Variants in HTR2A observed in about 807,000 individuals in gnomAD.
HTR2A encodes 5-HT2 receptor.
Under a neutral mutation model 31.0 loss-of-function variants are expected in HTR2A, and 14 were observed. That is an observed-to-expected ratio of 0.45 (90% CI 0.30 to 0.71). HTR2A has a LOEUF of 0.71. Among genes scored for constraint, HTR2A ranks in the 30% least tolerant of loss-of-function variants. The pLI is 0.09. For missense variants in HTR2A, 442 were observed against 573.3 expected, an observed-to-expected ratio of 0.77 and a Z score of 2.34; for synonymous variants, 209 against 225.2, an observed-to-expected ratio of 0.93 and a Z score of 0.64.
At chr13:46,873,245 A>G (rs1950877816) in intron 3 of HTR2A, among the ~76,000 whole-genome samples, 1 of 139,844 alleles carries the variant, frequency 7.2e-6, no homozygotes, top group South Asian at 2.2e-4. Flanking sequence ...CACTGATTAC[A>G]TAGACACCAC....
At chr13:46,850,304 C>T (rs1443330332) in intron 3 of HTR2A, among the ~76,000 whole-genome samples, 2 of 152,212 alleles carry the variant, frequency 1.3e-5, no homozygotes, top group Admixed American at 6.5e-5. Flanking sequence ...GCTTACTGTG[C>T]TCCAGGCACT....
intron 3 of HTR2A, among the ~76,000 whole-genome samples, chr13:46,863,737 C>T (rs1309593575): frequency 6.6e-6 from 1 of 150,760 alleles, no homozygotes; most frequent in African/African-American, 2.4e-5. Context: ...CATCTCATGC[C>T]AGTCAGAATG....
chr13:46,841,846 T>C (rs1950599857), intron 3 of HTR2A, among the ~76,000 whole-genome samples: 1 of 152,162 alleles, frequency 6.6e-6, no homozygotes, highest in Non-Finnish European at 1.5e-5. Context: ...ACATCTCTCT[T>C]GTCTCAGAGA....
Position 46,895,964 on chromosome 13 carries a change from T to G in HTR2A, c.-58A>C. ...AGAAGGACTAACAGGTTATAGTTTC[T>G]GCTCACCATTCACCTTGATGTACCC... On this transcript the variant is annotated 5_prime_UTR_variant, in exon 2 of 4. Coordinates refer to ENST00000542664, the MANE Select transcript of HTR2A (RefSeq NM_000621.5). This position sits in a 1 kb window ranked among gnomAD's most constrained non-coding sequence, Gnocchi z 4.4. 1.3e-6 allele frequency: 2 copies of G among 1,542,772 alleles called. No homozygotes were observed. Among genetic ancestry groups the G allele is most frequent in the African/African-American group, 2.7e-5 (2 of 73,098 alleles).
rs535480145 is a variant in HTR2A at position 46,877,335 on chromosome 13, ATCAACAGC to A, written c.613+15047_613+15054del. Among the ~76,000 whole-genome samples the A allele has an allele frequency of 1.9e-3, 282 of 152,202 alleles. 1 individual carries two copies. The highest frequency in any genetic ancestry group is 6.8e-3 in the Middle Eastern group (2 of 294). ...TTGATTGGGGAGAAATTCAAAATAA[ATCAACAGC>A]TCAACAGCTCAACAGCTCTTTTTTT... On this transcript the variant is annotated intron_variant, in intron 3 of 3. Transcript: ENST00000542664.
intron 3 of HTR2A, among the ~76,000 whole-genome samples, chr13:46,869,733 G>A (rs2146672): frequency 1 from 151,838 of 152,274 alleles, 75,704 homozygotes; most frequent in Middle Eastern, 1. Context: ...TTCAGCCATA[G>A]AAAATGAAGT....
intron 3 of HTR2A, among the ~76,000 whole-genome samples, chr13:46,859,024 C>T (rs902044030): frequency 1.3e-5 from 2 of 152,216 alleles, no homozygotes; most frequent in African/African-American, 2.4e-5. Context: ...TTTGGCATCA[C>T]TTTGCCCTTT....
At chr13:46,879,341 A>G (rs1001743540) in intron 3 of HTR2A, among the ~76,000 whole-genome samples, 6 of 152,240 alleles carry the variant, frequency 3.9e-5, no homozygotes, top group Admixed American at 3.3e-4. Flanking sequence ...AATTGTTGAA[A>G]TAGAAATAGT....
intron 3 of HTR2A, among the ~76,000 whole-genome samples, chr13:46,883,664 T>A (rs1382404400): frequency 6.6e-6 from 1 of 152,166 alleles, no homozygotes; most frequent in Non-Finnish European, 1.5e-5. Flanking sequence ...AAAGAAACCA[T>A]CCTGAGGAAA....
At chr13:46,845,435 T>G (rs918268270) in intron 3 of HTR2A, among the ~76,000 whole-genome samples, 5 of 152,110 alleles carry the variant, frequency 3.3e-5, no homozygotes, top group African/African-American at 1.2e-4. Flanking sequence ...CAGGAGCAAG[T>G]GCACACATTG....
At chr13:46,875,722 A>G (rs1950903521) in intron 3 of HTR2A, among the ~76,000 whole-genome samples, 1 of 152,204 alleles carries the variant, frequency 6.6e-6, no homozygotes, top group Admixed American at 6.5e-5. Flanking sequence ...AAATCTTCCT[A>G]GAAGTGACTC....
rs6307 is a variant in HTR2A at position 46,896,306 on chromosome 13, C to T, written c.-328-72G>A. The T allele has an allele frequency of 8.2e-4, 707 of 864,534 alleles. 10 individuals carry two copies. In the African/African-American group the frequency reaches 0.011, roughly 14 times the overall value. The allele number at this position is 864,534 out of a possible 1,614,324, so 53.6% of individuals were successfully genotyped here. On this transcript the variant is annotated intron_variant, in intron 1 of 3. Coordinates refer to ENST00000542664, the MANE Select transcript of HTR2A (RefSeq NM_000621.5). ...CTATATCTCATTTTGTTGGTTATGC[C>T]GATGGTACTAGTTTAGCAACAGTAT...
At position 46,895,487 on chromosome 13, in the gene HTR2A, C is replaced by A. The variant is rs773341404; in HGVS notation, c.412+8G>T. The A allele has an allele frequency of 5.0e-6, 8 of 1,610,232 alleles. No individual in the cohort carries two copies. Among genetic ancestry groups the A allele is most frequent in the Non-Finnish European group, 5.1e-6 (6 of 1,177,580 alleles). On this transcript the variant is annotated splice_region_variant and intron_variant, in intron 2 of 3. Transcript: ENST00000542664. The surrounding 1 kb of genome is among the most constrained non-coding windows in gnomAD (Gnocchi z 4.4). ...TGCGAATATAGCTGGGAAACTAATG[C>A]CACTCACCATACAGGATGGTTAACA...
At chr13:46,855,034 A>G (rs997813335) in intron 3 of HTR2A, among the ~76,000 whole-genome samples, 3 of 152,150 alleles carry the variant, frequency 2.0e-5, no homozygotes, top group Admixed American at 6.5e-5. Context: ...AGACGGAACT[A>G]TAAGTCAGGG....
In HTR2A at chr13:46,834,660, C is replaced by A. The variant is rs1337528345; in HGVS notation, c.*177G>T. The A allele has an allele frequency of 3.7e-6, 2 of 546,600 alleles. No individual in the cohort carries two copies. Among genetic ancestry groups the A allele is most frequent in the Non-Finnish European group, 6.4e-6 (2 of 312,238 alleles). 33.9% of individuals were successfully genotyped at this position (546,600 alleles called of 1,614,324 possible). Reference sequence around the variant, plus strand: ...AAATGCTGTCAGAACATTTTCCAAGCACACATTTTGTAGCATTGAACCCCG... The same window carrying A: ...AAATGCTGTCAGAACATTTTCCAAGAACACATTTTGTAGCATTGAACCCCG... On this transcript the variant is annotated 3_prime_UTR_variant, in exon 4 of 4. Transcript: ENST00000542664.
intron 3 of HTR2A, among the ~76,000 whole-genome samples, chr13:46,849,511 C>G (rs928697589): frequency 1.3e-5 from 2 of 152,312 alleles, no homozygotes; most frequent in African/African-American, 4.8e-5. Context: ...CTCCTTCCCC[C>G]TCTCTTCTCA....
At chr13:46,883,727 G>A (rs1360769938) in intron 3 of HTR2A, among the ~76,000 whole-genome samples, 2 of 152,114 alleles carry the variant, frequency 1.3e-5, no homozygotes, top group African/African-American at 4.8e-5. Flanking sequence ...GCTGATCATG[G>A]GAAGTAGGTT....
intron 3 of HTR2A, among the ~76,000 whole-genome samples, chr13:46,862,244 C>G (rs1198266278): frequency 6.6e-6 from 1 of 152,162 alleles, no homozygotes; most frequent in Non-Finnish European, 1.5e-5. Context: ...TTGAACCAAT[C>G]AGCTTAAGTA....
rs535340943 is a variant in HTR2A at position 46,833,196 on chromosome 13, T to C, written c.*1641A>G. 1 of 152,308 alleles carries C rather than the reference T, an allele frequency of 6.6e-6. No homozygotes were observed. Among genetic ancestry groups the C allele is most frequent in the East Asian group, 1.9e-4 (1 of 5,184 alleles). The allele number at this position is 152,308 out of a possible 1,614,324, so 9.4% of individuals were successfully genotyped here. Reference sequence around the variant, plus strand: ...TTTTCCCCCTCCTTTATTTGTTTGGTGTTTATTGGTAACCAATCAGGAAAA... The same window carrying C: ...TTTTCCCCCTCCTTTATTTGTTTGGCGTTTATTGGTAACCAATCAGGAAAA... On this transcript the variant is annotated 3_prime_UTR_variant, in exon 4 of 4. Transcript: ENST00000542664.
Sources: gnomAD v4.1 joint callset for allele counts (sites outside exome capture counted in the v4.1 genomes callset) on GRCh38, gnomAD v4.1.1 for gene constraint, Gnocchi (gnomAD v3.1) non-coding constraint, MANE v1.5 for transcripts, NCBI Gene and HGNC (gene_info 2026-07-23, HGNC 2026-07-21) for gene names.